PROM1: variants seen among roughly 807,000 people sequenced by gnomAD.
The protein encoded by PROM1 is prominin 1.
PROM1 carries 105 observed loss-of-function variants against 116.9 expected under a neutral mutation model. The ratio of observed to expected loss-of-function variants is 0.90; its 90% CI spans 0.77 to 1.06. The LOEUF (loss-of-function observed/expected upper bound fraction) is 1.06, where lower values mean the gene tolerates loss of function less well. Among genes scored for constraint, PROM1 ranks in the 50% least tolerant of loss-of-function variants. PROM1 has a pLI of 0.00. For synonymous variants in PROM1, 393 were observed against 387.0 expected (o/e 1.02, Z -0.18); for missense variants, 1,122 against 1,045.2 (o/e 1.07, Z -1.01).
At chr4:16,063,905 A>G (rs901161566) in intron 2 of PROM1, among the ~76,000 whole-genome samples, 1 of 152,138 alleles carries the variant, frequency 6.6e-6, no homozygotes, top group Non-Finnish European at 1.5e-5. Flanking sequence ...AGGTAGAACC[A>G]GAGTAAGACT....
intron 2 of PROM1, among the ~76,000 whole-genome samples, chr4:16,058,850 A>C (rs1190358057): frequency 1.3e-5 from 2 of 152,216 alleles, no homozygotes; most frequent in Admixed American, 1.3e-4. Flanking sequence ...TAAACAAAAC[A>C]AAGATAATTT....
intron 2 of PROM1, among the ~76,000 whole-genome samples, chr4:16,057,011 T>C (rs1330252973): frequency 6.6e-6 from 1 of 152,368 alleles, no homozygotes; most frequent in Non-Finnish European, 1.5e-5. Flanking sequence ...GTTTTTGCAA[T>C]ACAACGCTTA....
chr4:15,993,150 C>T (rs563061754), intron 16 of PROM1, among the ~76,000 whole-genome samples: 3 of 152,332 alleles, frequency 2.0e-5, no homozygotes, highest in East Asian at 3.9e-4. Context: ...CAGCTTTTCA[C>T]ATTTGAAAAC....
rs1283811536 is a variant in PROM1 at position 16,077,157 on chromosome 4, CT to C, written c.-212-1040del. ...TGCAGTTGAGACAAGAGGAAGGCAT[CT>C]GTCTCCTGCCCGTCCCTGGGCAATG... On this transcript the variant is annotated intron_variant, in intron 1 of 27. Transcript: ENST00000447510. Among the ~76,000 whole-genome samples, 4 of 152,192 alleles carry C rather than the reference CT, an allele frequency of 2.6e-5. No individual in the cohort carries two copies. The East Asian group carries it at 5.8e-4, about 22-fold the overall frequency.
intron 24 of PROM1, 98 bp from the exon 25 acceptor site, chr4:15,980,002 G>T: frequency 1.3e-6 from 1 of 751,458 alleles, no homozygotes; most frequent in South Asian, 1.8e-5. Context: ...CACGGATACT[G>T]ACAGTGCAAA....
chr4:16,040,362 C>T (rs1231519754), intron 2 of PROM1, among the ~76,000 whole-genome samples: 1 of 152,200 alleles, frequency 6.6e-6, no homozygotes. Flanking sequence ...CAGAGGGACA[C>T]TGAGGCTGTC....
chr4:15,990,505 C>T (rs1418116615), intron 18 of PROM1, among the ~76,000 whole-genome samples: 1 of 152,196 alleles, frequency 6.6e-6, no homozygotes, highest in Admixed American at 6.5e-5. Flanking sequence ...GCCCCAGGTA[C>T]TATTCCCTAC....
At chr4:16,066,731 T>C (rs1349989285) in intron 2 of PROM1, among the ~76,000 whole-genome samples, 1 of 152,224 alleles carries the variant, frequency 6.6e-6, no homozygotes, top group Admixed American at 6.5e-5. Context: ...TTTAATACCA[T>C]GGTGGCTTCA....
chr4:16,056,237 C>T (rs773430822), intron 2 of PROM1, among the ~76,000 whole-genome samples: 4 of 152,038 alleles, frequency 2.6e-5, no homozygotes, highest in Non-Finnish European at 4.4e-5. Flanking sequence ...GTGGAGTAAC[C>T]AGAAAACGCT....
At chr4:16,043,701 C>T (rs527318538) in intron 2 of PROM1, among the ~76,000 whole-genome samples, 2 of 152,282 alleles carry the variant, frequency 1.3e-5, no homozygotes, top group Admixed American at 6.5e-5. Flanking sequence ...TACTGTAGCC[C>T]GAAATACAGA....
intron 12 of PROM1, among the ~76,000 whole-genome samples, chr4:16,007,566 C>G (rs939919836): frequency 6.6e-6 from 1 of 152,104 alleles, no homozygotes; most frequent in African/African-American, 2.4e-5. Context: ...GAGGTTTGTT[C>G]CAGACAGTGA....
At position 16,008,355 on chromosome 4, in the gene PROM1, T is replaced by C. The variant is rs191207740; in HGVS notation, c.1301+594A>G. Among the ~76,000 whole-genome samples the C allele has an allele frequency of 3.9e-5, 6 of 152,296 alleles. No homozygotes were observed. The East Asian group carries it at 1.2e-3, about 29-fold the overall frequency. On this transcript the variant is annotated intron_variant, in intron 12 of 27. Coordinates refer to ENST00000447510, the MANE Select transcript of PROM1 (RefSeq NM_006017.3). ...GTGAAACCCCACCACTCGCATTTTC[T>C]AATGGGACAACCAGTGGGCACCACA...
chr4:16,069,527 A>T (rs982332301), intron 2 of PROM1, among the ~76,000 whole-genome samples: 14 of 152,344 alleles, frequency 9.2e-5, no homozygotes, highest in African/African-American at 3.4e-4. Context: ...TAAAAGAAAA[A>T]TACACACAAG....
intron 2 of PROM1, among the ~76,000 whole-genome samples, chr4:16,040,119 G>C (rs1560548804): frequency 6.6e-6 from 1 of 152,162 alleles, no homozygotes; most frequent in Non-Finnish European, 1.5e-5. Flanking sequence ...GGGGGCAAAC[G>C]AAACACTACA....
chr4:16,035,962 G>C (rs1733854534), intron 3 of PROM1, among the ~76,000 whole-genome samples: 1 of 152,204 alleles, frequency 6.6e-6, no homozygotes, highest in Non-Finnish European at 1.5e-5. Context: ...AAGTTGCTCT[G>C]AGTTCTGAAA....
intron 2 of PROM1, among the ~76,000 whole-genome samples, chr4:16,041,242 A>T (rs1003614869): frequency 6.6e-6 from 1 of 152,232 alleles, no homozygotes; most frequent in South Asian, 2.1e-4. Flanking sequence ...GCCATCAGGC[A>T]CTCATGTTCA....
intron 8 of PROM1, among the ~76,000 whole-genome samples, chr4:16,022,942 C>A (rs2240681): frequency 6.6e-6 from 1 of 152,042 alleles, no homozygotes; most frequent in South Asian, 2.1e-4. Context: ...GCCAGATAGA[C>A]GGTAAATATT....
intron 4 of PROM1, among the ~76,000 whole-genome samples, chr4:16,034,991 T>C (rs1474284460): frequency 1.3e-5 from 2 of 152,240 alleles, no homozygotes; most frequent in Non-Finnish European, 2.9e-5. Context: ...TATGAGCAAA[T>C]GCTCAAGACT....
At chr4:16,059,149 C>T (rs1332252510) in intron 2 of PROM1, among the ~76,000 whole-genome samples, 1 of 152,062 alleles carries the variant, frequency 6.6e-6, no homozygotes, top group African/African-American at 2.4e-5. Context: ...ATGTAATAGC[C>T]TAGTCTAAGA....
Sources: gnomAD v4.1 joint callset for allele counts (sites outside exome capture counted in the v4.1 genomes callset) on GRCh38, gnomAD v4.1.1 for gene constraint, MANE v1.5 for transcripts, NCBI Gene and HGNC (gene_info 2026-07-23, HGNC 2026-07-21) for gene names.